The following CSNK1G2 variants were observed in gnomAD, a reference collection of about 807,000 sequenced individuals.
CSNK1G2 encodes the protein casein kinase 1 gamma 2, also known as casein kinase I isoform gamma-2.
In CSNK1G2, 11 loss-of-function variants were observed where a neutral mutation model predicts 48.0. The ratio of observed to expected loss-of-function variants is 0.23; its 90% CI spans 0.14 to 0.38. The LOEUF (loss-of-function observed/expected upper bound fraction) is 0.38, where lower values mean the gene tolerates loss of function less well. Among genes scored for constraint, CSNK1G2 ranks in the 10% least tolerant of loss-of-function variants. The pLI is 1.00. For synonymous variants in CSNK1G2, 337 were observed against 254.1 expected (o/e 1.33, Z -3.10); for missense variants, 446 against 595.5 (o/e 0.75, Z 2.61).
Position 1,948,110 on chromosome 19 carries a change from G to T in CSNK1G2, c.-266+6692G>T, listed in dbSNP as rs540412749. Reference sequence around the variant, plus strand: ...GGCTTCGGGGGGCGGCCCCGCCCTGGGCTCAGACTTGATCCTGCACCGGAG... The same window carrying T: ...GGCTTCGGGGGGCGGCCCCGCCCTGTGCTCAGACTTGATCCTGCACCGGAG... On this transcript the variant is annotated intron_variant, in intron 1 of 11. Coordinates refer to ENST00000255641, the MANE Select transcript of CSNK1G2 (RefSeq NM_001319.7). Among the ~76,000 whole-genome samples, 56 of 152,308 alleles carry T rather than the reference G, an allele frequency of 3.7e-4. No homozygotes were observed. In the Middle Eastern group the frequency reaches 0.014, roughly 37 times the overall value.
intron 1 of CSNK1G2, among the ~76,000 whole-genome samples, chr19:1,965,491 G>C (rs1186286339): frequency 2.0e-5 from 3 of 151,760 alleles, no homozygotes; most frequent in Non-Finnish European, 4.4e-5. Context: ...ATGACTCCTT[G>C]ACATGTCATT....
At chr19:1,943,947 T>TC (rs2014460327) in intron 1 of CSNK1G2, among the ~76,000 whole-genome samples, 1 of 152,128 alleles carries the variant, frequency 6.6e-6, no homozygotes, top group African/African-American at 2.4e-5. Context: ...GGGCACAGCC[T>TC]GGCAGGGGCT....
chr19:1,948,542 C>T (rs2396365), intron 1 of CSNK1G2, among the ~76,000 whole-genome samples: 1 of 72,532 alleles, frequency 1.4e-5, no homozygotes, highest in Non-Finnish European at 3.6e-5. Flanking sequence ...AAAAAAAACG[C>T]AAAAAAAAAA....
intron 1 of CSNK1G2, among the ~76,000 whole-genome samples, chr19:1,943,713 G>GGGAC (rs1436019587): frequency 1.3e-5 from 2 of 152,224 alleles, no homozygotes; most frequent in African/African-American, 4.8e-5. Context: ...CAGAGCCACT[G>GGGAC]GGACGGACGG....
intron 1 of CSNK1G2, chr19:1,953,362 G>C (rs1047866385): frequency 9.4e-6 from 5 of 533,192 alleles, no homozygotes; most frequent in Non-Finnish European, 1.9e-5. Context: ...TGCGCCATGG[G>C]GGCCTGGGTG....
In CSNK1G2 at chr19:1,979,563, C is replaced by T. The variant is rs762969611; in HGVS notation, c.922C>T (p.Leu308=). ...DFFEKPDYDY[L]RKLFTDLFDR... ...CTTCGAGAAGCCCGACTATGACTAC[C>T]TGCGGAAGCTCTTCACCGACCTCTT... is the stretch of plus-strand genomic sequence containing the variant. The change falls in exon 9 of 12, where the codon CTG becomes TTG. Residue 308 remains leucine (L), a synonymous_variant. Transcript: ENST00000255641. The T allele has an allele frequency of 4.4e-6, 7 of 1,609,142 alleles. No homozygotes were observed. The highest frequency in any genetic ancestry group is 2.2e-5 in the East Asian group (1 of 44,872).
intron 1 of CSNK1G2, chr19:1,954,208 G>A (rs2014896770): frequency 2.8e-6 from 1 of 361,894 alleles, no homozygotes; most frequent in Non-Finnish European, 5.6e-6. Context: ...CCATTGTGGA[G>A]GGCGCCCTTC....
At chr19:1,971,411 C>G (rs1205674885) in intron 2 of CSNK1G2, among the ~76,000 whole-genome samples, 2 of 152,268 alleles carry the variant, frequency 1.3e-5, no homozygotes, top group African/African-American at 4.8e-5. Context: ...GGCTCCGTTT[C>G]TCAGCCAAGA....
chr19:1,948,187 C>G (rs2014633629), intron 1 of CSNK1G2, among the ~76,000 whole-genome samples: 1 of 152,230 alleles, frequency 6.6e-6, no homozygotes. Flanking sequence ...CCCCTCTCAT[C>G]CCCAGGGTGC....
At chr19:1,962,540 C>T (rs1302198749) in intron 1 of CSNK1G2, among the ~76,000 whole-genome samples, 1 of 146,470 alleles carries the variant, frequency 6.8e-6, no homozygotes, top group Admixed American at 6.8e-5. Flanking sequence ...GGGTCCATGC[C>T]TGTGGTCCCA....
chr19:1,953,557 C>T (rs1599291531), intron 1 of CSNK1G2: 1 of 509,824 alleles, frequency 2.0e-6, no homozygotes, highest in Non-Finnish European at 4.0e-6. Context: ...GGGACAGTGC[C>T]CTCCGCCAAG....
intron 2 of CSNK1G2, among the ~76,000 whole-genome samples, chr19:1,974,008 C>T (rs1447568797): frequency 2.0e-5 from 3 of 152,124 alleles, no homozygotes; most frequent in African/African-American, 7.2e-5. Context: ...CTGCCTCAGC[C>T]TCCCGAGTAG....
chr19:1,947,211 C>CGCA (rs2145497853), intron 1 of CSNK1G2, among the ~76,000 whole-genome samples: 1 of 145,746 alleles, frequency 6.9e-6, no homozygotes, highest in Admixed American at 6.9e-5. Flanking sequence ...GAGTGAGGCA[C>CGCA]CCCAAGTCCT....
At position 1,979,818 on chromosome 19, in the gene CSNK1G2, C is replaced by T. The variant is rs1271272143; in HGVS notation, c.1069C>T (p.Pro357Ser). ...SQPQLRDKTQPHSKNQALNST... is the reference protein window; with the variant it reads ...SQPQLRDKTQSHSKNQALNST... ...GCCTCAGCTCCGGGACAAAACCCAGCCGCACAGCAAAAACCAGGTGAGGCC... is the reference window on the plus strand; with the variant it reads ...GCCTCAGCTCCGGGACAAAACCCAGTCGCACAGCAAAAACCAGGTGAGGCC... The change falls in exon 10 of 12, where the codon CCG becomes TCG. Residue 357 changes from proline (P) to serine (S), a missense_variant. Around this residue, in one of 2 missense-constraint regions of CSNK1G2, gnomAD observed 188 missense variants for 179.6 expected, o/e 1.05. Transcript: ENST00000255641. The T allele has an allele frequency of 1.2e-6, 2 of 1,606,630 alleles. No homozygotes were observed. Among genetic ancestry groups the T allele is most frequent in the Non-Finnish European group, 1.7e-6 (2 of 1,177,592 alleles).
intron 1 of CSNK1G2, chr19:1,954,077 G>T (rs1199535493): frequency 1.0e-5 from 5 of 500,360 alleles, no homozygotes; most frequent in Non-Finnish European, 1.7e-5. Flanking sequence ...GGGGTGGGCG[G>T]CTTCCCTCCT....
At chr19:1,963,284 G>A (rs1320293145) in intron 1 of CSNK1G2, among the ~76,000 whole-genome samples, 1 of 152,012 alleles carries the variant, frequency 6.6e-6, no homozygotes, top group Non-Finnish European at 1.5e-5. Flanking sequence ...GTCTCCCTCT[G>A]TCGCCCAAGC....
intron 1 of CSNK1G2, among the ~76,000 whole-genome samples, chr19:1,950,248 T>C (rs182128882): frequency 0.018 from 2,777 of 152,184 alleles, 98 homozygotes; most frequent in African/African-American, 0.064. Context: ...CACACCATTC[T>C]CCTGCCTCAG....
intron 1 of CSNK1G2, among the ~76,000 whole-genome samples, chr19:1,960,421 G>A (rs540894834): frequency 1.5e-4 from 23 of 152,332 alleles, no homozygotes; most frequent in Non-Finnish European, 3.1e-4. Context: ...AGTGTGGCGC[G>A]AGCAGGCTGG....
intron 1 of CSNK1G2, among the ~76,000 whole-genome samples, chr19:1,955,413 G>A (rs2014950447): frequency 6.6e-6 from 1 of 151,598 alleles, no homozygotes; most frequent in Non-Finnish European, 1.5e-5. Flanking sequence ...TGTGCAAGCA[G>A]TGCTCCCGTT....
Sources: gnomAD v4.1 joint callset for allele counts (sites outside exome capture counted in the v4.1 genomes callset) on GRCh38, gnomAD v4.1.1 for gene constraint, gnomAD v4.1.1 regional missense constraint, MANE v1.5 for transcripts, NCBI Gene and HGNC (gene_info 2026-07-23, HGNC 2026-07-21) for gene names.